The following FRMPD4 variants were observed in gnomAD, a reference collection of about 807,000 sequenced individuals.
FRMPD4 encodes the protein FERM and PDZ domain-containing protein 4.
In FRMPD4, 22 loss-of-function variants were observed where a neutral mutation model predicts 94.1. That is an observed-to-expected ratio of 0.23 (90% CI 0.17 to 0.33). FRMPD4 has a LOEUF of 0.33. FRMPD4 is among the 10% of genes least tolerant of loss of function. FRMPD4 has a pLI of 1.00. For missense variants in FRMPD4, 1,111 were observed against 1,339.9 expected (o/e 0.83, Z 2.67); for synonymous variants, 631 against 548.6 (o/e 1.15, Z -2.10).
chrX:12,041,418 G>T lies in FRMPD4; in HGVS notation c.95+163400G>T, dbSNP rs149821696. 3.0e-3 allele frequency among the ~76,000 whole-genome samples: 338 copies of T among 111,927 alleles called. 2 individuals are homozygous for T. The highest frequency in any genetic ancestry group is 9.7e-3 in the African/African-American group (300 of 30,844). The stretch of plus-strand genomic sequence containing the variant: ...TGTTATTTCATCTTCATTTATAAAG[G>T]ATAGTTTTGCTGGACAGAATTCTTG... On this transcript the variant is annotated intron_variant, in intron 3 of 18. Coordinates refer to the FRMPD4 transcript ENST00000640291.
chrX:12,087,709 T>A (rs1242050417), intron 3 of FRMPD4, among the ~76,000 whole-genome samples: 2 of 112,328 alleles, frequency 1.8e-5, no homozygotes, highest in African/African-American at 6.5e-5. Flanking sequence ...ACGTTTAGGG[T>A]TTTTTTCTTT....
chrX:11,888,250 C>T (rs781313721), intron 3 of FRMPD4, among the ~76,000 whole-genome samples: 1 of 111,475 alleles, frequency 9.0e-6, no homozygotes, highest in Non-Finnish European at 1.9e-5. Context: ...TGTTTATTTC[C>T]GAAATTCTAC....
chrX:12,289,412 G>A (rs917498177), intron 1 of FRMPD4, among the ~76,000 whole-genome samples: 5 of 111,926 alleles, frequency 4.5e-5, no homozygotes, highest in African/African-American at 1.6e-4. Context: ...TTAACAACAC[G>A]AAGTGAGATT....
Position 12,653,655 on chromosome X carries a change from C to G in FRMPD4, c.423-21208C>G, listed in dbSNP as rs2059620094. On this transcript the variant is annotated intron_variant, in intron 4 of 16. Transcript: ENST00000675598. ...CAACCTTAGAGACTGACTTTTAAAT[C>G]AGAACCTTTCAATTGTTACTGTCCT... Among the ~76,000 whole-genome samples the G allele has an allele frequency of 2.7e-5, 3 of 109,221 alleles. No homozygotes were observed. In the South Asian group the frequency reaches 1.2e-3, roughly 43 times the overall value. 94.8% of individuals were successfully genotyped at this position (109,221 alleles called of 115,157 possible). A position where few individuals can be genotyped will look rare whatever the true frequency, so the allele number is the denominator to read the frequency against.
chrX:12,067,150 G>A (rs1166926893), intron 3 of FRMPD4, among the ~76,000 whole-genome samples: 1 of 109,786 alleles, frequency 9.1e-6, no homozygotes, highest in African/African-American at 3.3e-5. Context: ...GATTACAGGC[G>A]TGAGCCACCA....
At chrX:12,306,080 C>CAA (rs11291162) in intron 1 of FRMPD4, among the ~76,000 whole-genome samples, 55 of 53,796 alleles carry the variant, frequency 1.0e-3, no homozygotes, top group African/African-American at 3.2e-3. Flanking sequence ...TGCTGTGCTT[C>CAA]AAAAAAAAAA....
At chrX:12,449,314 T>TAAGA (rs1330606918) in intron 1 of FRMPD4, among the ~76,000 whole-genome samples, 4 of 112,308 alleles carry the variant, frequency 3.6e-5, no homozygotes, top group Non-Finnish European at 7.5e-5. Context: ...GAGTGTTAAG[T>TAAGA]AAGAGTTACC....
At chrX:12,209,436 C>T (rs1173601806) in intron 1 of FRMPD4, among the ~76,000 whole-genome samples, 1 of 112,158 alleles carries the variant, frequency 8.9e-6, no homozygotes, top group African/African-American at 3.2e-5. Flanking sequence ...TAGGTAACCG[C>T]AATATCAAGA....
At chrX:11,946,199 G>T (rs1312083899) in intron 3 of FRMPD4, among the ~76,000 whole-genome samples, 1 of 110,128 alleles carries the variant, frequency 9.1e-6, no homozygotes, top group African/African-American at 3.3e-5. Flanking sequence ...CCTTTTTTTT[G>T]CCCATCATAG....
intron 1 of FRMPD4, among the ~76,000 whole-genome samples, chrX:12,341,115 A>G (rs960897670): frequency 2.7e-5 from 3 of 112,178 alleles, no homozygotes; most frequent in Admixed American, 9.5e-5. Flanking sequence ...TTAAATCTCT[A>G]AAATGACTGA....
chrX:12,129,415 G>C (rs1384907942), intron 3 of FRMPD4, among the ~76,000 whole-genome samples: 1 of 111,131 alleles, frequency 9.0e-6, no homozygotes, highest in African/African-American at 3.3e-5. Flanking sequence ...GAACAGCATG[G>C]GGGTAACTGC....
At chrX:12,117,591 A>G (rs1260775028) in intron 3 of FRMPD4, among the ~76,000 whole-genome samples, 1 of 111,700 alleles carries the variant, frequency 9.0e-6, no homozygotes, top group Non-Finnish European at 1.9e-5. Context: ...TTGCCATTTC[A>G]ATTCCAAATA....
intron 1 of FRMPD4, among the ~76,000 whole-genome samples, chrX:11,850,494 G>T (rs921371038): frequency 1.9e-4 from 21 of 112,497 alleles, no homozygotes; most frequent in African/African-American, 6.8e-4. Flanking sequence ...AAAGATATTT[G>T]CAGATATATG....
At chrX:11,841,145 ATTG>A (rs2053534017) in intron 1 of FRMPD4, among the ~76,000 whole-genome samples, 1 of 108,683 alleles carries the variant, frequency 9.2e-6, no homozygotes, top group Non-Finnish European at 1.9e-5. Flanking sequence ...CCAGTCTATC[ATTG>A]TTGGACATTT....
chrX:12,715,998 G>GCCGGGGGGC, intron 14 of FRMPD4, 71 bp from the exon 15 acceptor site: 5 of 383,854 alleles, frequency 1.3e-5, no homozygotes, highest in Non-Finnish European at 1.9e-5. Context: ...ACAGAGACGA[G>GCCGGGGGGC]CCTCCCACCC....
intron 1 of FRMPD4, among the ~76,000 whole-genome samples, chrX:12,432,054 T>A (rs1039983033): frequency 8.9e-6 from 1 of 112,142 alleles, no homozygotes; most frequent in African/African-American, 3.2e-5. Context: ...AGACAACTTT[T>A]GGGCAGCATT....
At chrX:12,078,955 G>A (rs890768603) in intron 3 of FRMPD4, among the ~76,000 whole-genome samples, 6 of 111,607 alleles carry the variant, frequency 5.4e-5, no homozygotes, top group African/African-American at 9.8e-5. Context: ...GACAGTGGGC[G>A]TCTCTTGATT....
intron 1 of FRMPD4, among the ~76,000 whole-genome samples, chrX:12,465,976 C>T (rs918151157): frequency 1.2e-5 from 1 of 80,484 alleles, no homozygotes; most frequent in African/African-American, 3.4e-5. Flanking sequence ...GACCTGTGTT[C>T]TCATTTCTTC....
chrX:12,678,288 T>C (rs927168307), intron 5 of FRMPD4, among the ~76,000 whole-genome samples: 4 of 112,671 alleles, frequency 3.6e-5, no homozygotes, highest in African/African-American at 1.3e-4. Flanking sequence ...AAAATCTTTA[T>C]GTGTAAGTCT....
Sources: gnomAD v4.1 joint callset for allele counts (sites outside exome capture counted in the v4.1 genomes callset) on GRCh38, gnomAD v4.1.1 for gene constraint, MANE v1.5 for transcripts, NCBI Gene and HGNC (gene_info 2026-07-23, HGNC 2026-07-21) for gene names.